The following MMUT variants were observed in gnomAD, a reference collection of about 807,000 sequenced individuals.
MMUT encodes the protein methylmalonyl-CoA mutase, also known as methylmalonyl-CoA mutase, mitochondrial.
A neutral mutation model predicts 79.9 loss-of-function variants in MMUT; 79 were observed. The ratio of observed to expected loss-of-function variants is 0.99; its 90% CI spans 0.82 to 1.19. The LOEUF is 1.19. Ranked by LOEUF, MMUT falls within the 50% of genes most tolerant of loss-of-function variation. MMUT has a pLI of 0.00. For synonymous variants in MMUT, 273 were observed against 295.7 expected, an observed-to-expected ratio of 0.92 and a Z score of 0.79; for missense variants, 860 against 917.2, an observed-to-expected ratio of 0.94 and a Z score of 0.81.
At chr6:49,439,738 C>T (rs1767222243) in intron 11 of MMUT, among the ~76,000 whole-genome samples, 1 of 152,208 alleles carries the variant, frequency 6.6e-6, no homozygotes, top group South Asian at 2.1e-4. Context: ...ACAGGTCCCA[C>T]ACCACTGGAC....
chr6:49,453,836 C>G (rs1438153637), intron 4 of MMUT, 80 bp from the exon 5 acceptor site: 2 of 1,210,176 alleles, frequency 1.7e-6, no homozygotes, highest in Non-Finnish European at 2.4e-6. Context: ...GTATCACACA[C>G]TAGAAAATCA....
chr6:49,451,200 G>T (rs1767542056), intron 6 of MMUT, among the ~76,000 whole-genome samples: 1 of 152,096 alleles, frequency 6.6e-6, no homozygotes, highest in South Asian at 2.1e-4. Context: ...GCTGTTCTTT[G>T]TATGAGCTTT....
chr6:49,447,741 C>G lies in MMUT; in HGVS notation c.1489G>C (p.Glu497Gln), dbSNP rs879253844. 2.5e-6 allele frequency: 4 copies of G among 1,611,200 alleles called. No homozygotes were observed. The highest frequency in any genetic ancestry group is 2.5e-6 in the Non-Finnish European group (3 of 1,178,206). Residue 497 changes from glutamate to glutamine, a missense_variant, in exon 8 of 13, where the codon GAA becomes CAA. Coordinates refer to ENST00000274813, the MANE Select transcript of MMUT (RefSeq NM_000255.4). ...ATTGCCAGAACTTCTACAGCGTCTTCTTTTTCCAACTGGTACTTATTTACT... is the reference window on the plus strand; with the variant it reads ...ATTGCCAGAACTTCTACAGCGTCTTGTTTTTCCAACTGGTACTTATTTACT... Reference protein sequence around the residue: ...VGVNKYQLEKEDAVEVLAIDN... With the variant: ...VGVNKYQLEKQDAVEVLAIDN...
intron 11 of MMUT, among the ~76,000 whole-genome samples, chr6:49,438,966 T>C (rs982465442): frequency 2.0e-5 from 3 of 152,128 alleles, no homozygotes; most frequent in African/African-American, 7.2e-5. Context: ...TTGTGGGACC[T>C]TGTGATCATG....
chr6:49,460,359 C>T (rs1026878831), intron 1 of MMUT, among the ~76,000 whole-genome samples: 1 of 152,176 alleles, frequency 6.6e-6, no homozygotes, highest in Non-Finnish European at 1.5e-5. Flanking sequence ...TTTCAAAGTC[C>T]TTGCATTTAA....
In MMUT at chr6:49,459,307, T is replaced by A. The variant is rs1554161054; in HGVS notation, c.160A>T (p.Lys54Ter). The change falls in exon 2 of 13, where the codon AAA (lysine) becomes TAA (stop). Residue 54 changes from lysine to a stop codon, truncating the protein, a stop_gained. Transcript: ENST00000274813. LOFTEE classifies it high-confidence loss of function. ...AALAKKQLKGKNPEDLIWHTP... is the reference protein window; with the variant it reads ...AALAKKQLKG ...TGCCATATTAGGTCTTCTGGGTTTT[T>A]GCCTTTCAGCTGCTTTTTAGCCAGG... 1.2e-6 allele frequency: 2 copies of A among 1,614,172 alleles called. No individual in the cohort carries two copies. The highest frequency in any genetic ancestry group is 8.5e-7 in the Non-Finnish European group (1 of 1,180,014).
intron 1 of MMUT, among the ~76,000 whole-genome samples, chr6:49,460,978 T>A (rs1165860236): frequency 6.6e-6 from 1 of 152,240 alleles, no homozygotes; most frequent in African/African-American, 2.4e-5. Flanking sequence ...AAAGCTTCTG[T>A]AGTAATATAT....
chr6:49,444,680 A>C lies in MMUT; in HGVS notation c.1635T>G (p.Asp545Glu). 2 of 1,613,464 alleles carry C rather than the reference A, an allele frequency of 1.2e-6. No individual in the cohort carries two copies. The highest frequency in any genetic ancestry group is 1.7e-6 in the Non-Finnish European group (2 of 1,179,524). Residue 545 changes from aspartate (D) to glutamate (E), a missense_variant, in exon 9 of 13, where the codon GAT becomes GAG. Physicochemically the swap from Asp to Glu is conservative, Grantham distance 45 (BLOSUM62 2). Transcript: ENST00000274813. ...AALTECAASG[D>E]GNILALAVDA... ...CCACTGCAAGAGCCAGGATATTTCCATCTCCGCTAGCAGCACATTCGGTTA... is the reference window on the plus strand; with the variant it reads ...CCACTGCAAGAGCCAGGATATTTCCCTCTCCGCTAGCAGCACATTCGGTTA...
intron 10 of MMUT, 56 bp downstream of exon 10, chr6:49,441,783 AG>A: frequency 2.6e-6 from 4 of 1,565,136 alleles, no homozygotes; most frequent in Non-Finnish European, 3.5e-6. Context: ...AGTAGATTCA[AG>A]GGGATTGTGC....
chr6:49,443,325 A>G (rs192225424), intron 9 of MMUT, among the ~76,000 whole-genome samples: 2 of 152,170 alleles, frequency 1.3e-5, no homozygotes, highest in South Asian at 2.1e-4. Context: ...TACCCATTAC[A>G]AAAGATTCCG....
chr6:49,444,885 A>T, intron 8 of MMUT, 131 bp from the exon 9 acceptor site: 3 of 621,696 alleles, frequency 4.8e-6, no homozygotes, highest in Non-Finnish European at 8.5e-6. Context: ...AAGAGGAAAA[A>T]ATTGAAAAGA....
chr6:49,449,862 G>A (rs1767505399), intron 6 of MMUT, among the ~76,000 whole-genome samples: 1 of 151,976 alleles, frequency 6.6e-6, no homozygotes, highest in South Asian at 2.1e-4. Flanking sequence ...ATACATGAAT[G>A]TAAAAATAAG....
rs781553746 is a variant in MMUT, at chr6:49,431,788, A to AGCC, written c.2190_2192dup (p.Ala732dup). 6.2e-7 allele frequency: 1 copy of AGCC among 1,614,060 alleles called. No homozygotes were observed. Among genetic ancestry groups the AGCC allele is most frequent in the South Asian group, 1.1e-5 (1 of 91,090 alleles). On this transcript the variant is annotated inframe_insertion, in exon 13 of 13. Transcript: ENST00000274813. Reference sequence around the variant, plus strand: ...CAATATCATCAAGCACCTGAACGGCAGCCTTTGGAATTCGAGTCCCAGGAC... The same window carrying AGCC: ...CAATATCATCAAGCACCTGAACGGCAGCCGCCTTTGGAATTCGAGTCCCAGGAC...
At position 49,459,603 on chromosome 6, in the gene MMUT, T is replaced by C. The variant is rs927860120; in HGVS notation, c.-39-98A>G. ...ACAGAAAAGAAAGAGGATGTATTAG[T>C]CTGATTTCATTTCTTCCCCTTTTCT... On this transcript the variant is annotated intron_variant, in intron 1 of 12. Transcript: ENST00000274813. 3 of 965,236 alleles carry C rather than the reference T, an allele frequency of 3.1e-6. No individual in the cohort carries two copies. In the African/African-American group the frequency reaches 5.0e-5, roughly 16 times the overall value. 59.8% of individuals were successfully genotyped at this position (965,236 alleles called of 1,614,324 possible).
At position 49,448,935 on chromosome 6, in the gene MMUT, G is replaced by A. The variant is rs199555550; in HGVS notation, c.1333-8C>T. On this transcript the variant is annotated splice_region_variant and splice_polypyrimidine_tract_variant and intron_variant, in intron 6 of 12. Transcript: ENST00000274813. ...TTCAATTTCATTAATGAGCTAAAAA[G>A]AAAAACATTAACAAAACTAAAAGAG... 787 of 1,568,130 alleles carry A rather than the reference G, an allele frequency of 5.0e-4. 15 individuals carry two copies. The East Asian group carries it at 0.015, about 30-fold the overall frequency.
chr6:49,448,188 C>A (rs1253170842), intron 7 of MMUT, among the ~76,000 whole-genome samples: 1 of 151,946 alleles, frequency 6.6e-6, no homozygotes, highest in Non-Finnish European at 1.5e-5. Context: ...CTTCTATAAT[C>A]TATTAGTAAA....
rs867284706 is a variant in MMUT at position 49,463,238 on chromosome 6, T to C, written c.-175A>G. On this transcript the variant is annotated 5_prime_UTR_variant, in exon 1 of 13. Coordinates refer to ENST00000274813, the MANE Select transcript of MMUT (RefSeq NM_000255.4). The stretch of plus-strand genomic sequence containing the variant: ...CACACAAACCGCGCCACCGCCAGCG[T>C]CAGCCGGACGACTCTGGGGGCGTAG... 1.3e-5 allele frequency: 2 copies of C among 152,464 alleles called. No individual in the cohort carries two copies. Among genetic ancestry groups the C allele is most frequent in the Non-Finnish European group, 2.9e-5 (2 of 68,178 alleles). The allele number at this position is 152,464 out of a possible 1,614,324, so 9.4% of individuals were successfully genotyped here.
intron 12 of MMUT, among the ~76,000 whole-genome samples, chr6:49,432,581 G>A (rs1050919364): frequency 6.6e-6 from 1 of 152,022 alleles, no homozygotes; most frequent in Non-Finnish European, 1.5e-5. Flanking sequence ...TAGACACAGG[G>A]TTTCACCACG....
chr6:49,454,620 C>G (rs1767641817), intron 4 of MMUT, among the ~76,000 whole-genome samples: 1 of 152,212 alleles, frequency 6.6e-6, no homozygotes, highest in Non-Finnish European at 1.5e-5. Flanking sequence ...GAAAGAAGTT[C>G]TTAACACAGC....
Sources: allele counts gnomAD v4.1 joint callset (sites outside exome capture counted in the v4.1 genomes callset), GRCh38; gene constraint gnomAD v4.1.1; transcripts MANE v1.5; gene names NCBI Gene and HGNC (gene_info 2026-07-23, HGNC 2026-07-21).